CNTLN: variants seen among roughly 807,000 people sequenced by gnomAD.
CNTLN encodes centlein, centrosomal protein.
CNTLN carries 212 observed loss-of-function variants against 180.0 expected under a neutral mutation model. The ratio of observed to expected loss-of-function variants is 1.18; its 90% CI spans 1.05 to 1.32. The LOEUF is 1.32. Among genes scored for constraint, CNTLN ranks in the 40% most tolerant of loss-of-function variants. The probability of loss-of-function intolerance (pLI) is 0.00; values close to 1 mark genes in which losing one functional copy is unlikely to be tolerated. For missense variants in CNTLN, 2,095 were observed against 1,610.9 expected (o/e 1.30, Z -5.14); for synonymous variants, 722 against 563.1 (o/e 1.28, Z -3.99).
At chr9:17,197,349 T>C (rs923992573) in intron 2 of CNTLN, among the ~76,000 whole-genome samples, 4 of 152,318 alleles carry the variant, frequency 2.6e-5, no homozygotes, top group South Asian at 2.1e-4. Flanking sequence ...TGAGATGATA[T>C]CTCATTGTCA....
chr9:17,435,267 A>T (rs1011682756), intron 18 of CNTLN, among the ~76,000 whole-genome samples: 16 of 152,114 alleles, frequency 1.1e-4, no homozygotes, highest in Admixed American at 6.5e-4. Flanking sequence ...TTGGAAAGAG[A>T]GGCACTCATT....
intron 2 of CNTLN, among the ~76,000 whole-genome samples, chr9:17,150,774 A>T (rs1014848178): frequency 6.6e-6 from 1 of 152,098 alleles, no homozygotes; most frequent in Non-Finnish European, 1.5e-5. Context: ...GATTCTTCCT[A>T]TCCGTGAGCA....
chr9:17,255,970 A>G (rs899216097), intron 5 of CNTLN, among the ~76,000 whole-genome samples: 3 of 151,902 alleles, frequency 2.0e-5, no homozygotes, highest in African/African-American at 7.2e-5. Context: ...CAGATTTTTT[A>G]GAATACAGTT....
intron 6 of CNTLN, among the ~76,000 whole-genome samples, chr9:17,281,566 T>C (rs1488238468): frequency 6.6e-6 from 1 of 152,174 alleles, no homozygotes; most frequent in Non-Finnish European, 1.5e-5. Context: ...GTTAGTTTGC[T>C]GACGATAATG....
At chr9:17,299,457 A>G (rs907116708) in intron 7 of CNTLN, 48 of 979,294 alleles carry the variant, frequency 4.9e-5, no homozygotes, top group Non-Finnish European at 5.5e-5. Context: ...TTACTTTTCT[A>G]AAAAATCACT....
At chr9:17,273,180 A>AG (rs1266117176) in intron 5 of CNTLN, among the ~76,000 whole-genome samples, 1 of 151,882 alleles carries the variant, frequency 6.6e-6, no homozygotes. Flanking sequence ...TCACAATGAA[A>AG]AATATTTAGA....
chr9:17,511,048 A>C, the CNTLN span, among the ~76,000 whole-genome samples: 2 of 152,124 alleles, frequency 1.3e-5, no homozygotes, highest in South Asian at 4.1e-4. Flanking sequence ...GGTACTCTTA[A>C]TAGTTTTAAC....
In CNTLN at chr9:17,407,537, A is replaced by T. The variant is rs77782736; in HGVS notation, c.2616-1756A>T. Among the ~76,000 whole-genome samples the T allele has an allele frequency of 7.0e-3, 1,070 of 152,326 alleles. 12 individuals are homozygous for T. Among genetic ancestry groups the T allele is most frequent in the African/African-American group, 0.024 (992 of 41,566 alleles). On this transcript the variant is annotated intron_variant, in intron 15 of 25. Transcript: ENST00000380647. ...AGTAGACTGGGAATATAGTTACACAAATGCCTACAGGGTAGTTTATTTGGC... is the reference window on the plus strand; with the variant it reads ...AGTAGACTGGGAATATAGTTACACATATGCCTACAGGGTAGTTTATTTGGC...
chr9:17,316,949 A>G (rs1049235839), intron 8 of CNTLN, among the ~76,000 whole-genome samples: 2 of 152,086 alleles, frequency 1.3e-5, no homozygotes, highest in African/African-American at 4.8e-5. Flanking sequence ...TTTTATTGTC[A>G]CAAATTACAT....
At chr9:17,506,779 C>T (rs1467478282), downstream of CNTLN, among the ~76,000 whole-genome samples, 2 of 151,966 alleles carry the variant, frequency 1.3e-5, no homozygotes, top group African/African-American at 4.8e-5. Context: ...CTTTTATTGG[C>T]CTATGTTCAG....
intron 5 of CNTLN, among the ~76,000 whole-genome samples, chr9:17,266,467 C>T (rs903279088): frequency 2.6e-5 from 4 of 151,966 alleles, no homozygotes; most frequent in Admixed American, 1.3e-4. Context: ...AGTATGTGGT[C>T]AATTTTGGAA....
intron 8 of CNTLN, among the ~76,000 whole-genome samples, chr9:17,326,349 TA>T (rs775456449): frequency 5.9e-5 from 9 of 152,048 alleles, no homozygotes; most frequent in Non-Finnish European, 1.3e-4. Context: ...GAAGGAAAGT[TA>T]ACTTTTCAAA....
intron 2 of CNTLN, among the ~76,000 whole-genome samples, chr9:17,210,878 CT>C (rs1823252794): frequency 6.6e-6 from 1 of 152,102 alleles, no homozygotes; most frequent in Non-Finnish European, 1.5e-5. Context: ...TGTTCATATC[CT>C]TTGCCCACTT....
chr9:17,440,215 C>T (rs536850840), intron 18 of CNTLN, among the ~76,000 whole-genome samples: 23 of 151,974 alleles, frequency 1.5e-4, no homozygotes, highest in South Asian at 8.3e-4. Flanking sequence ...GACAGATCCT[C>T]GCAAAGTGAA....
chr9:17,518,097 C>T, the CNTLN span, among the ~76,000 whole-genome samples: 7 of 124,238 alleles, frequency 5.6e-5, no homozygotes, highest in East Asian at 1.7e-3. Flanking sequence ...GGCTGGAGCA[C>T]AGTGGCATGA....
the CNTLN span, among the ~76,000 whole-genome samples, chr9:17,514,073 T>C: frequency 6.6e-6 from 1 of 151,798 alleles, no homozygotes; most frequent in African/African-American, 2.4e-5. Context: ...TTTGGGAGGC[T>C]GAGGTGGGAG....
intron 2 of CNTLN, among the ~76,000 whole-genome samples, chr9:17,223,117 G>C (rs974230732): frequency 6.6e-6 from 1 of 151,972 alleles, no homozygotes; most frequent in African/African-American, 2.4e-5. Context: ...GGATACTTTC[G>C]ACAAAGAGAT....
intron 2 of CNTLN, among the ~76,000 whole-genome samples, chr9:17,173,250 A>G (rs145635246): frequency 0.019 from 2,899 of 152,236 alleles, 59 homozygotes; most frequent in African/African-American, 0.05. Context: ...TGGAAATTTC[A>G]TGTCTTCTAA....
chr9:17,352,389 A>AATATATATATATAT (rs373257904), intron 12 of CNTLN, among the ~76,000 whole-genome samples: 7 of 84,458 alleles, frequency 8.3e-5, no homozygotes, highest in African/African-American at 2.9e-4. Context: ...CTCAAGCTAG[A>AATATATATATATAT]ATATATATAT....
Sources: allele counts gnomAD v4.1 joint callset (sites outside exome capture counted in the v4.1 genomes callset), GRCh38; gene constraint gnomAD v4.1.1; transcripts MANE v1.5; gene names NCBI Gene and HGNC (gene_info 2026-07-23, HGNC 2026-07-21).